Variants in VPS37D observed in about 807,000 individuals in gnomAD.
VPS37D encodes vacuolar protein sorting-associated protein 37D.
Under a neutral mutation model 22.0 loss-of-function variants are expected in VPS37D, and 5 were observed. The ratio of observed to expected loss-of-function variants is 0.23; its 90% CI spans 0.12 to 0.48. The LOEUF is 0.48. Among genes scored for constraint, VPS37D ranks in the 20% least tolerant of loss-of-function variants. VPS37D has a pLI of 0.99. For synonymous variants in VPS37D, 174 were observed against 159.3 expected, an observed-to-expected ratio of 1.09 and a Z score of -0.69; for missense variants, 384 against 345.8, an observed-to-expected ratio of 1.11 and a Z score of -0.88.
At chr7:73,670,917 A>G (rs1055584052) in intron 3 of VPS37D, 97 bp from the exon 4 acceptor site, 7 of 1,495,474 alleles carry the variant, frequency 4.7e-6, no homozygotes, top group African/African-American at 1.4e-5. Context: ...CTGAGGGGTG[A>G]TCACCATGGG....
In VPS37D at chr7:73,671,405, G is replaced by A. The variant is rs782428787; in HGVS notation, c.*29G>A. ...CCACGGTGCGGCCCCCCAGTTGGGG[G>A]GCCTAGACAAACTTGATGCGTGGCT... On this transcript the variant is annotated 3_prime_UTR_variant, in exon 4 of 4. Coordinates refer to ENST00000324941, the MANE Select transcript of VPS37D (RefSeq NM_001077621.2). The A allele has an allele frequency of 2.9e-5, 38 of 1,330,478 alleles. No homozygotes were observed. The South Asian group carries it at 4.7e-4, about 16-fold the overall frequency. The allele number at this position is 1,330,478 out of a possible 1,614,324, so 82.4% of individuals were successfully genotyped here.
intron 3 of VPS37D, 147 bp from the exon 4 acceptor site, chr7:73,670,867 A>G: frequency 8.7e-7 from 1 of 1,151,134 alleles, no homozygotes; most frequent in South Asian, 1.6e-5. Flanking sequence ...AAGTAATCGG[A>G]GGCAGGCCCA....
At chr7:73,668,937 C>G (rs1284324147) in intron 1 of VPS37D, among the ~76,000 whole-genome samples, 1 of 151,646 alleles carries the variant, frequency 6.6e-6, no homozygotes, top group African/African-American at 2.4e-5. Flanking sequence ...TGCAGACACC[C>G]CTCTGGAGAG....
intron 1 of VPS37D, among the ~76,000 whole-genome samples, chr7:73,669,004 AGGCCTG>A (rs1254324992): frequency 1.3e-5 from 2 of 151,976 alleles, no homozygotes; most frequent in African/African-American, 4.8e-5. Context: ...AAACAGACAA[AGGCCTG>A]GAGTGAGAGG....
upstream of VPS37D, among the ~76,000 whole-genome samples, chr7:73,667,325 C>T (rs1180464612): frequency 2.0e-5 from 3 of 151,556 alleles, no homozygotes; most frequent in Non-Finnish European, 4.4e-5. Flanking sequence ...AGACGGGGGT[C>T]TTGTTATGTT....
rs1797420684 is a variant in VPS37D, at chr7:73,668,011, G to T, written c.53G>T (p.Arg18Leu). The stretch of plus-strand genomic sequence containing the variant: ...GGGCCGGAGCCCGGCAGCCCGGGGC[G>T]CTTTGGGATCCTCAGCACCGGGCAG... Reference protein sequence around the residue: ...RAGPEPGSPGRFGILSTGQLR... With the variant: ...RAGPEPGSPGLFGILSTGQLR... The change falls in exon 1 of 4, where the codon CGC becomes CTC. Residue 18 changes from arginine (R) to leucine (L), a missense_variant. Transcript: ENST00000324941. The T allele has an allele frequency of 8.8e-7, 1 of 1,132,190 alleles. No homozygotes were observed. The allele number at this position is 1,132,190 out of a possible 1,614,324, so 70.1% of individuals were successfully genotyped here.
In VPS37D at chr7:73,671,233, C is replaced by A; in HGVS notation, c.613C>A (p.Arg205=). 1 of 1,551,220 alleles carries A rather than the reference C, an allele frequency of 6.4e-7. No homozygotes were observed. Among genetic ancestry groups the A allele is most frequent in the East Asian group, 2.4e-5 (1 of 42,488 alleles). The change falls in exon 4 of 4, where the codon CGG becomes AGG. Residue 205 remains arginine (R), a synonymous_variant. Transcript: ENST00000324941. The part of the protein sequence containing the change: ...AAAVLPTGAA[R]GPPAVPRSLP... The stretch of plus-strand genomic sequence containing the variant: ...AGCTGTCCTGCCCACTGGGGCCGCC[C>A]GGGGGCCACCAGCAGTGCCCCGGAG...
chr7:73,667,133 C>G (rs1265482707), upstream of VPS37D, among the ~76,000 whole-genome samples: 3 of 151,972 alleles, frequency 2.0e-5, no homozygotes, highest in Admixed American at 6.6e-5. Flanking sequence ...CCACCACGCC[C>G]GGCTAATTTT....
chr7:73,669,101 A>C (rs1414385512), intron 1 of VPS37D, among the ~76,000 whole-genome samples: 1 of 152,194 alleles, frequency 6.6e-6, no homozygotes, highest in African/African-American at 2.4e-5. Context: ...TAATTGAAAA[A>C]TTAAAAATTA....
At position 73,671,246 on chromosome 7, in the gene VPS37D, C is replaced by G. The variant is rs782340944; in HGVS notation, c.626C>G (p.Ala209Gly). 1.1e-5 allele frequency: 17 copies of G among 1,534,884 alleles called. No individual in the cohort carries two copies. The highest frequency in any genetic ancestry group is 1.3e-5 in the Non-Finnish European group (15 of 1,143,570). ...LPTGAARGPP[A>G]VPRSLPPLDS... is the part of the protein sequence containing the mutation. Reference sequence around the variant, plus strand: ...ACTGGGGCCGCCCGGGGGCCACCAGCAGTGCCCCGGAGCCTGCCCCCCTTG... The same window carrying G: ...ACTGGGGCCGCCCGGGGGCCACCAGGAGTGCCCCGGAGCCTGCCCCCCTTG... Residue 209 changes from alanine to glycine, a missense_variant, in exon 4 of 4, where the codon GCA becomes GGA. Coordinates refer to ENST00000324941, the MANE Select transcript of VPS37D (RefSeq NM_001077621.2).
At chr7:73,668,464 G>C (rs951321656) in intron 1 of VPS37D, among the ~76,000 whole-genome samples, 54 of 151,606 alleles carry the variant, frequency 3.6e-4, no homozygotes, top group Non-Finnish European at 5.8e-4. Context: ...GAGAACTAGG[G>C]GCCTGTCTGA....
At chr7:73,667,540 G>T (rs1215417366), upstream of VPS37D, among the ~76,000 whole-genome samples, 1 of 152,178 alleles carries the variant, frequency 6.6e-6, no homozygotes, top group African/African-American at 2.4e-5. Flanking sequence ...TCAGAAATTT[G>T]TTGTTGCCAT....
intron 3 of VPS37D, among the ~76,000 whole-genome samples, chr7:73,670,578 C>T (rs770471767): frequency 2.6e-5 from 4 of 152,146 alleles, no homozygotes; most frequent in Non-Finnish European, 5.9e-5. Flanking sequence ...GAGACCGAGG[C>T]GGGCGGATCG....
intron 1 of VPS37D, among the ~76,000 whole-genome samples, 166 bp from the exon 2 acceptor site, chr7:73,669,253 G>C (rs376599450): frequency 6.6e-6 from 1 of 152,138 alleles, no homozygotes; most frequent in South Asian, 2.1e-4. Flanking sequence ...TTCTGGTCCC[G>C]GCCTGTCATC....
chr7:73,671,285 T>C lies in VPS37D; in HGVS notation c.665T>C (p.Val222Ala). The C allele has an allele frequency of 7.0e-7, 1 of 1,435,486 alleles. No homozygotes were observed. The highest frequency in any genetic ancestry group is 9.1e-7 in the Non-Finnish European group (1 of 1,097,118). The allele number at this position is 1,435,486 out of a possible 1,614,324, so 88.9% of individuals were successfully genotyped here. ...CTGCCCCCCTTGGACTCCCGCCCAG[T>C]GCCCCCACTGAAGGGCTCCCCCGGG... ...RSLPPLDSRP[V>A]PPLKGSPGCP... The change falls in exon 4 of 4, where the codon GTG becomes GCG. Residue 222 changes from valine to alanine, a missense_variant. Val to Ala is a moderately conservative substitution (Grantham distance 64). Transcript: ENST00000324941.
intron 1 of VPS37D, 138 bp downstream of exon 1, chr7:73,668,234 G>A (rs1554609023): frequency 7.0e-6 from 3 of 428,984 alleles, no homozygotes; most frequent in African/African-American, 4.3e-5. Flanking sequence ...AGTGGGCCCC[G>A]CGGAGCCACC....
rs199826922 is a variant in VPS37D at position 73,669,585 on chromosome 7, G to A, written c.305G>A (p.Arg102Gln). The A allele has an allele frequency of 5.7e-4, 902 of 1,588,954 alleles. 4 individuals are homozygous for A. The highest frequency in any genetic ancestry group is 3.9e-3 in the South Asian group (344 of 87,102). Residue 102 changes from arginine (R) to glutamine (Q), a missense_variant, in exon 2 of 4, where the codon CGA becomes CAA. Physicochemically the swap from Arg to Gln is conservative, Grantham distance 43. Coordinates refer to ENST00000324941, the MANE Select transcript of VPS37D (RefSeq NM_001077621.2). ...GAGAACTGCGCGGACAAGCTGCAGC[G>A]ACTGGGTGAGGGCACGTCTGGGAGA... Reference protein sequence around the residue: ...VAENCADKLQRLEESMHRWSP... With the variant: ...VAENCADKLQQLEESMHRWSP...
chr7:73,670,679 G>A (rs549523094), intron 3 of VPS37D, among the ~76,000 whole-genome samples: 32 of 152,234 alleles, frequency 2.1e-4, no homozygotes, highest in African/African-American at 7.0e-4. Context: ...GCGTGGTGGT[G>A]CATGTCTGTC....
chr7:73,669,245 C>T (rs899963127), intron 1 of VPS37D, among the ~76,000 whole-genome samples, 174 bp from the exon 2 acceptor site: 5 of 152,198 alleles, frequency 3.3e-5, no homozygotes, highest in African/African-American at 1.2e-4. Flanking sequence ...AGAGCCAGTT[C>T]TGGTCCCGGC....
Sources: allele counts gnomAD v4.1 joint callset (sites outside exome capture counted in the v4.1 genomes callset), GRCh38; gene constraint gnomAD v4.1.1; transcripts MANE v1.5; gene names NCBI Gene and HGNC (gene_info 2026-07-23, HGNC 2026-07-21).